The following PARD3B variants were observed in gnomAD, a reference collection of about 807,000 sequenced individuals.
PARD3B encodes partitioning defective 3 homolog B.
In PARD3B, 103 loss-of-function variants were observed where a neutral mutation model predicts 130.2. The observed-to-expected ratio is 0.79, with a 90% CI of 0.67 to 0.93. The LOEUF is 0.93. Ranked by LOEUF, PARD3B falls within the 40% of genes least tolerant of loss-of-function variation. The pLI is 0.00. For missense variants in PARD3B, 1,609 were observed against 1,499.2 expected (o/e 1.07, Z -1.21); for synonymous variants, 583 against 553.2 (o/e 1.05, Z -0.76).
intron 2 of PARD3B, among the ~76,000 whole-genome samples, chr2:204,874,830 A>C (rs2125655266): frequency 6.6e-6 from 1 of 152,324 alleles, no homozygotes; most frequent in East Asian, 1.9e-4. Flanking sequence ...AAGGAATCAT[A>C]GTTGCTATTT....
intron 5 of PARD3B, among the ~76,000 whole-genome samples, chr2:205,112,821 C>T (rs1344085718): frequency 1.3e-5 from 2 of 152,098 alleles, no homozygotes; most frequent in East Asian, 3.9e-4. Context: ...CTTTCTATTT[C>T]TTTCTATAAT....
intron 2 of PARD3B, among the ~76,000 whole-genome samples, chr2:204,835,783 G>A (rs117590942): frequency 6.6e-6 from 1 of 152,340 alleles, no homozygotes; most frequent in East Asian, 1.9e-4. Context: ...TCACATGTGA[G>A]TTGTTCAAGA....
At position 205,470,042 on chromosome 2, in the gene PARD3B, C is replaced by G. The variant is rs1442051270; in HGVS notation, c.3044+29370C>G. Among the ~76,000 whole-genome samples, 1 of 152,214 alleles carries G rather than the reference C, an allele frequency of 6.6e-6. No homozygotes were observed. The highest frequency in any genetic ancestry group is 1.5e-5 in the Non-Finnish European group (1 of 68,046). On this transcript the variant is annotated intron_variant, in intron 20 of 22. Coordinates refer to ENST00000406610, the MANE Select transcript of PARD3B (RefSeq NM_001302769.2). The surrounding 1 kb of genome is among the most constrained non-coding windows in gnomAD (Gnocchi z 4.8). The stretch of plus-strand genomic sequence containing the variant: ...CCTTTTCTTTTTGGCCTCTCTCCTG[C>G]TTTCCATTGATGGAGATGTCAGGTG...
intron 18 of PARD3B, among the ~76,000 whole-genome samples, chr2:205,363,104 T>C (rs1489452471): frequency 6.6e-6 from 1 of 152,072 alleles, no homozygotes; most frequent in Non-Finnish European, 1.5e-5. Context: ...GAGGGCGGTA[T>C]TAAAATGCTG....
intron 3 of PARD3B, among the ~76,000 whole-genome samples, chr2:204,994,597 C>T (rs530668065): frequency 8.4e-4 from 126 of 150,870 alleles, no homozygotes; most frequent in Middle Eastern, 6.9e-3. Flanking sequence ...CTATTAGGTC[C>T]GCTTGGTGCA....
intron 20 of PARD3B, among the ~76,000 whole-genome samples, chr2:205,482,400 C>T (rs2049271565): frequency 6.6e-6 from 1 of 151,906 alleles, no homozygotes; most frequent in African/African-American, 2.4e-5. Flanking sequence ...TTGTCATCTG[C>T]CCAAAAGAAA....
intron 1 of PARD3B, among the ~76,000 whole-genome samples, chr2:204,568,126 G>A (rs796303432): frequency 1.3e-5 from 2 of 152,142 alleles, no homozygotes; most frequent in African/African-American, 2.4e-5. Flanking sequence ...TGACTTTGCA[G>A]ATTTTCAAAA....
rs1696610564 is a variant in PARD3B, at chr2:205,021,617, TCTC to T, written c.395-25962_395-25960del. Among the ~76,000 whole-genome samples, 1 of 138,690 alleles carries T rather than the reference TCTC, an allele frequency of 7.2e-6. No homozygotes were observed. The highest frequency in any genetic ancestry group is 2.8e-5 in the African/African-American group (1 of 36,220). The allele number at this position is 138,690 out of a possible 152,430, so 91.0% of individuals were successfully genotyped here. ...TCTTCTCTCTCTCTCTCTCTCTCTC[TCTC>T]CCTCTCTCTTTCTCTCTCTCTCTCT... On this transcript the variant is annotated intron_variant, in intron 3 of 22. Coordinates refer to ENST00000406610, the MANE Select transcript of PARD3B (RefSeq NM_001302769.2). The surrounding 1 kb of genome is among the most constrained non-coding windows in gnomAD (Gnocchi z 4.5).
In PARD3B at chr2:205,142,892, A is replaced by ATAAG. The variant is rs1345350032; in HGVS notation, c.1435-15827_1435-15826insGTAA. Among the ~76,000 whole-genome samples the ATAAG allele has an allele frequency of 4.0e-5, 6 of 151,740 alleles. No homozygotes were observed. Among genetic ancestry groups the ATAAG allele is most frequent in the Admixed American group, 3.9e-4 (6 of 15,226 alleles). ...GACTTCGGTCTCAAAAAATAAATAA[A>ATAAG]TAAATAAATAAATAAATAAGATAGG... On this transcript the variant is annotated intron_variant, in intron 10 of 22. Coordinates refer to ENST00000406610, the MANE Select transcript of PARD3B (RefSeq NM_001302769.2). The surrounding 1 kb of genome is among the most constrained non-coding windows in gnomAD (Gnocchi z 4.3).
intron 2 of PARD3B, among the ~76,000 whole-genome samples, chr2:204,719,724 TA>T (rs1191265360): frequency 2.0e-5 from 3 of 152,378 alleles, no homozygotes; most frequent in Non-Finnish European, 4.4e-5. Context: ...TGTCTTTTTT[TA>T]TAACCTTGAA....
chr2:205,205,728 G>A (rs530369635), intron 15 of PARD3B, among the ~76,000 whole-genome samples: 6 of 152,242 alleles, frequency 3.9e-5, no homozygotes, highest in East Asian at 1.9e-4. Context: ...CATTGGTTCC[G>A]TTTATGTGAA....
Position 205,618,320 on chromosome 2 carries a change from A to C in PARD3B, c.*2507A>C, listed in dbSNP as rs2055497552. The C allele has an allele frequency of 6.6e-6, 1 of 152,228 alleles. No homozygotes were observed. Among genetic ancestry groups the C allele is most frequent in the Non-Finnish European group, 1.5e-5 (1 of 68,048 alleles). The allele number at this position is 152,228 out of a possible 1,614,324, so 9.4% of individuals were successfully genotyped here. Reference sequence around the variant, plus strand: ...AAGCCAAGCAACAATTAACAGCTCAAGTGTAAGATTTATAAATGCCCGTGT... The same window carrying C: ...AAGCCAAGCAACAATTAACAGCTCACGTGTAAGATTTATAAATGCCCGTGT... On this transcript the variant is annotated 3_prime_UTR_variant, in exon 23 of 23. Coordinates refer to ENST00000406610, the MANE Select transcript of PARD3B (RefSeq NM_001302769.2).
chr2:204,787,825 C>A (rs1255388169), intron 2 of PARD3B, among the ~76,000 whole-genome samples: 3 of 152,168 alleles, frequency 2.0e-5, no homozygotes, highest in Non-Finnish European at 4.4e-5. Flanking sequence ...CAGTAGTATT[C>A]TATTTTCTCG....
At chr2:205,378,694 C>T (rs1458855540) in intron 18 of PARD3B, among the ~76,000 whole-genome samples, 4 of 149,514 alleles carry the variant, frequency 2.7e-5, no homozygotes, top group Non-Finnish European at 5.9e-5. Context: ...TGCAATGGCA[C>T]GATCTCAGCT....
At chr2:204,625,253 T>C (rs1445833922) in intron 1 of PARD3B, among the ~76,000 whole-genome samples, 3 of 152,204 alleles carry the variant, frequency 2.0e-5, no homozygotes, top group African/African-American at 7.2e-5. Flanking sequence ...AAATATTGAA[T>C]GGTGCCATGC....
intron 2 of PARD3B, among the ~76,000 whole-genome samples, chr2:204,824,991 G>C (rs931636862): frequency 2.0e-5 from 3 of 152,138 alleles, no homozygotes; most frequent in Non-Finnish European, 2.9e-5. Context: ...CTAGAAGTGA[G>C]GCATCTAATT....
intron 1 of PARD3B, among the ~76,000 whole-genome samples, chr2:204,617,712 G>A (rs545447838): frequency 1.6e-4 from 25 of 152,210 alleles, no homozygotes; most frequent in African/African-American, 5.5e-4. Flanking sequence ...CCACCCTCAA[G>A]GAGGCCCTGA....
At chr2:204,965,475 G>A in intron 3 of PARD3B, 152 bp downstream of exon 3, 1 of 837,758 alleles carries the variant, frequency 1.2e-6, no homozygotes, top group Non-Finnish European at 1.8e-6. Context: ...ATAGCTCTTT[G>A]CAGCCACTGC....
chr2:205,347,005 T>C (rs773062628), intron 18 of PARD3B, among the ~76,000 whole-genome samples: 9 of 152,218 alleles, frequency 5.9e-5, no homozygotes, highest in Non-Finnish European at 8.8e-5. Flanking sequence ...GTTTATGCAC[T>C]TGGGTTTTCT....
Sources: allele counts gnomAD v4.1 joint callset (sites outside exome capture counted in the v4.1 genomes callset), GRCh38; gene constraint gnomAD v4.1.1; non-coding constraint Gnocchi (gnomAD v3.1); transcripts MANE v1.5; gene names NCBI Gene and HGNC (gene_info 2026-07-23, HGNC 2026-07-21).